PLPP1: variants seen among roughly 807,000 people sequenced by gnomAD.
PLPP1 encodes phospholipid phosphatase 1, also known as lipid phosphate phosphohydrolase 1a.
In PLPP1, 24 loss-of-function variants were observed where a neutral mutation model predicts 31.2. The ratio of observed to expected loss-of-function variants is 0.77; its 90% confidence interval spans 0.56 to 1.08. PLPP1 has a LOEUF of 1.08. PLPP1 is among the 50% of genes least tolerant of loss of function. The pLI, the probability that PLPP1 is intolerant of heterozygous loss-of-function variation, is 0.00. For synonymous variants in PLPP1, 146 were observed against 126.3 expected, an observed-to-expected ratio of 1.16 and a Z score of -1.05; for missense variants, 319 against 342.7, an observed-to-expected ratio of 0.93 and a Z score of 0.55.
intron 2 of PLPP1, among the ~76,000 whole-genome samples, chr5:55,469,370 T>C (rs1471242205): frequency 6.6e-6 from 1 of 151,862 alleles, no homozygotes; most frequent in Non-Finnish European, 1.5e-5. Flanking sequence ...GCACCTATAA[T>C]CCCCAGCTAC....
intron 1 of PLPP1, among the ~76,000 whole-genome samples, chr5:55,511,206 AC>A: frequency 6.6e-6 from 1 of 152,224 alleles, no homozygotes; most frequent in East Asian, 1.9e-4. Context: ...TAAAGGAGTT[AC>A]TGGAAAAGAG....
At chr5:55,470,109 C>T (rs1752386644) in intron 2 of PLPP1, among the ~76,000 whole-genome samples, 1 of 152,124 alleles carries the variant, frequency 6.6e-6, no homozygotes, top group South Asian at 2.1e-4. Flanking sequence ...GAATGTCATT[C>T]CTTTACAGTT....
intron 4 of PLPP1, among the ~76,000 whole-genome samples, chr5:55,435,281 G>C (rs1751465355): frequency 6.6e-6 from 1 of 152,196 alleles, no homozygotes; most frequent in African/African-American, 2.4e-5. Flanking sequence ...CTTCTACACT[G>C]CTGCTCGGAA....
At chr5:55,519,139 T>C (rs1270405593) in intron 1 of PLPP1, among the ~76,000 whole-genome samples, 2 of 152,196 alleles carry the variant, frequency 1.3e-5, no homozygotes, top group African/African-American at 2.4e-5. Context: ...CACTGAGAAC[T>C]GCATTCATAC....
At chr5:55,486,170 AT>A (rs1267202171) in intron 1 of PLPP1, among the ~76,000 whole-genome samples, 1 of 152,196 alleles carries the variant, frequency 6.6e-6, no homozygotes, top group African/African-American at 2.4e-5. Flanking sequence ...GTCTTAAGAA[AT>A]GTTAAATGTT....
At chr5:55,472,161 T>G (rs1270583251) in intron 2 of PLPP1, among the ~76,000 whole-genome samples, 1 of 152,166 alleles carries the variant, frequency 6.6e-6, no homozygotes, top group Non-Finnish European at 1.5e-5. Context: ...ACCACTGCCC[T>G]AAGCAGTGTT....
At chr5:55,445,779 G>C (rs192414838) in intron 3 of PLPP1, among the ~76,000 whole-genome samples, 1 of 151,686 alleles carries the variant, frequency 6.6e-6, no homozygotes, top group Non-Finnish European at 1.5e-5. Context: ...TCCTGACCTC[G>C]AGTGACCTGC....
chr5:55,483,607 G>A, intron 1 of PLPP1, among the ~76,000 whole-genome samples: 1 of 150,904 alleles, frequency 6.6e-6, no homozygotes, highest in Non-Finnish European at 1.5e-5. Flanking sequence ...AGGAGGCAGA[G>A]GTTGCAGTGA....
intron 1 of PLPP1, among the ~76,000 whole-genome samples, chr5:55,498,702 CAAA>C (rs546216139): frequency 9.0e-6 from 1 of 110,662 alleles, no homozygotes. Context: ...CAAGAAGGGA[CAAA>C]AAAAAAAAAA....
At chr5:55,458,887 C>CAAAA (rs529067608) in intron 3 of PLPP1, among the ~76,000 whole-genome samples, 270 of 21,066 alleles carry the variant, frequency 0.013, 48 homozygotes, top group Non-Finnish European at 0.02. Flanking sequence ...ACCCTGTCTC[C>CAAAA]AAAAAAAAAA....
At chr5:55,494,413 G>C (rs903067212) in intron 1 of PLPP1, among the ~76,000 whole-genome samples, 2 of 152,144 alleles carry the variant, frequency 1.3e-5, no homozygotes, top group Non-Finnish European at 2.9e-5. Context: ...AAGTTCCATT[G>C]ATAGAAATGA....
At chr5:55,520,652 G>GCGT (rs1753643957) in intron 1 of PLPP1, among the ~76,000 whole-genome samples, 1 of 152,198 alleles carries the variant, frequency 6.6e-6, no homozygotes, top group Non-Finnish European at 1.5e-5. Flanking sequence ...AATAGATGGA[G>GCGT]CTAGACTTTA....
At chr5:55,458,915 A>AAAAAAAAAAAAAAAAAAAAC (rs1561231077) in intron 3 of PLPP1, among the ~76,000 whole-genome samples, 1 of 149,064 alleles carries the variant, frequency 6.7e-6, no homozygotes, top group African/African-American at 2.5e-5. Context: ...AAAAAAAAAA[A>AAAAAAAAAAAAAAAAAAAAC]ACACATAGCA....
intron 1 of PLPP1, among the ~76,000 whole-genome samples, chr5:55,496,004 C>T (rs112716612): frequency 0.01 from 1,570 of 152,108 alleles, 21 homozygotes; most frequent in African/African-American, 0.036. Flanking sequence ...ACCACAGGCA[C>T]GCGCCACCAA....
chr5:55,522,307 T>C (rs977621526), intron 1 of PLPP1, among the ~76,000 whole-genome samples: 1 of 152,234 alleles, frequency 6.6e-6, no homozygotes, highest in African/African-American at 2.4e-5. Context: ...TAGGGGAAAT[T>C]AGTTACATCC....
chr5:55,482,494 T>C (rs1752692889), intron 1 of PLPP1, among the ~76,000 whole-genome samples: 1 of 152,198 alleles, frequency 6.6e-6, no homozygotes, highest in African/African-American at 2.4e-5. Context: ...TGGTGAGCAA[T>C]ACAGACCATT....
intron 1 of PLPP1, among the ~76,000 whole-genome samples, chr5:55,517,482 C>A (rs571364379): frequency 1.3e-5 from 2 of 152,270 alleles, no homozygotes; most frequent in South Asian, 4.1e-4. Context: ...CAGGTGTGAG[C>A]TACAACACCA....
intron 1 of PLPP1, among the ~76,000 whole-genome samples, chr5:55,524,045 G>T (rs988893543): frequency 6.6e-6 from 1 of 152,152 alleles, no homozygotes; most frequent in Non-Finnish European, 1.5e-5. Flanking sequence ...AATAATGTCT[G>T]CTTAATAAAT....
At chr5:55,434,954 A>G (rs1751458552) in intron 4 of PLPP1, among the ~76,000 whole-genome samples, 1 of 152,210 alleles carries the variant, frequency 6.6e-6, no homozygotes, top group South Asian at 2.1e-4. Flanking sequence ...CAGGAGAATA[A>G]AGAGACAGTC....
Sources: allele counts gnomAD v4.1 joint callset (sites outside exome capture counted in the v4.1 genomes callset), GRCh38; gene constraint gnomAD v4.1.1; transcripts MANE v1.5; gene names NCBI Gene and HGNC (gene_info 2026-07-23, HGNC 2026-07-21).